The following EXOC4 variants were observed in gnomAD, a reference collection of about 807,000 sequenced individuals.
The protein encoded by EXOC4 is SEC8-like 1.
In EXOC4, 71 loss-of-function variants were observed where a neutral mutation model predicts 107.2. That is an observed-to-expected ratio of 0.66 (90% CI 0.55 to 0.81). The LOEUF is 0.81. Among genes scored for constraint, EXOC4 ranks in the 30% least tolerant of loss-of-function variants. The pLI, the probability that EXOC4 is intolerant of heterozygous loss-of-function variation, is 0.00. For synonymous variants in EXOC4, 456 were observed against 441.2 expected (o/e 1.03, Z -0.42); for missense variants, 1,108 against 1,189.6 (o/e 0.93, Z 1.01).
At chr7:133,397,412 G>A (rs1245879339) in intron 7 of EXOC4, among the ~76,000 whole-genome samples, 1 of 151,954 alleles carries the variant, frequency 6.6e-6, no homozygotes, top group East Asian at 1.9e-4. Flanking sequence ...GGGATTACAG[G>A]TGTGAGCCAC....
intron 10 of EXOC4, among the ~76,000 whole-genome samples, chr7:133,692,323 A>G (rs151238547): frequency 6.0e-4 from 92 of 152,332 alleles, no homozygotes; most frequent in African/African-American, 2.1e-3. Context: ...AGTTTTTACT[A>G]AAGTCTTTTC....
At chr7:133,471,181 G>T (rs1798867706) in intron 7 of EXOC4, among the ~76,000 whole-genome samples, 1 of 152,120 alleles carries the variant, frequency 6.6e-6, no homozygotes, top group Non-Finnish European at 1.5e-5. Context: ...GGAGGCTGAG[G>T]CAGGCAGATA....
intron 7 of EXOC4, among the ~76,000 whole-genome samples, chr7:133,438,515 C>T (rs555302880): frequency 6.6e-6 from 1 of 152,218 alleles, no homozygotes; most frequent in East Asian, 1.9e-4. Flanking sequence ...ACTCTGGTTT[C>T]AAGCTTTAAT....
At chr7:133,905,133 T>C (rs1264222434) in intron 12 of EXOC4, among the ~76,000 whole-genome samples, 2 of 152,192 alleles carry the variant, frequency 1.3e-5, no homozygotes, top group African/African-American at 2.4e-5. Context: ...TCAGCAGATA[T>C]CCTTCAGAGA....
At chr7:133,287,476 A>G (rs939426276) in intron 2 of EXOC4, among the ~76,000 whole-genome samples, 8 of 151,918 alleles carry the variant, frequency 5.3e-5, no homozygotes, top group Non-Finnish European at 7.4e-5. Flanking sequence ...ATGCCCAGCT[A>G]ATTTTCTGTG....
intron 10 of EXOC4, among the ~76,000 whole-genome samples, chr7:133,657,430 G>A (rs555162357): frequency 1.5e-4 from 23 of 152,104 alleles, no homozygotes; most frequent in Admixed American, 1.2e-3. Context: ...TACTGATGTT[G>A]GTATTTTACT....
At chr7:134,072,790 T>C in the EXOC4 span, among the ~76,000 whole-genome samples, 17 of 152,310 alleles carry the variant, frequency 1.1e-4, no homozygotes, top group Middle Eastern at 3.4e-3. Flanking sequence ...ATTAGTATTA[T>C]ATATACATAA....
intron 17 of EXOC4, among the ~76,000 whole-genome samples, chr7:134,058,421 A>G (rs1795979718): frequency 6.6e-6 from 1 of 152,218 alleles, no homozygotes; most frequent in Non-Finnish European, 1.5e-5. Flanking sequence ...TTTTGGAAAG[A>G]AAGGTTACTT....
intron 10 of EXOC4, among the ~76,000 whole-genome samples, chr7:133,641,033 T>A (rs768677127): frequency 4.6e-5 from 7 of 152,058 alleles, no homozygotes; most frequent in Non-Finnish European, 7.4e-5. Context: ...AAGCCAACAT[T>A]AATATGTAGG....
intron 9 of EXOC4, among the ~76,000 whole-genome samples, chr7:133,482,003 A>G (rs1196451070): frequency 6.6e-6 from 1 of 152,152 alleles, no homozygotes; most frequent in Non-Finnish European, 1.5e-5. Flanking sequence ...AGGCTAGTGT[A>G]TCTTCCACAC....
chr7:133,563,489 G>A (rs916505610), intron 9 of EXOC4, among the ~76,000 whole-genome samples: 2 of 152,098 alleles, frequency 1.3e-5, no homozygotes, highest in African/African-American at 4.8e-5. Flanking sequence ...GCATTTGCTT[G>A]TGTCGAAAAA....
intron 7 of EXOC4, among the ~76,000 whole-genome samples, chr7:133,423,771 C>T (rs1038058528): frequency 3.9e-5 from 6 of 151,972 alleles, no homozygotes; most frequent in African/African-American, 9.7e-5. Context: ...TAGGGGCCAG[C>T]GCTGCGCGCA....
intron 10 of EXOC4, among the ~76,000 whole-genome samples, chr7:133,756,243 A>C (rs2151145088): frequency 6.6e-6 from 1 of 152,298 alleles, no homozygotes; most frequent in African/African-American, 2.4e-5. Flanking sequence ...ATGACACTTA[A>C]CTGCTTTTTT....
In EXOC4 at chr7:133,356,379, A is replaced by G. The variant is rs1382444979; in HGVS notation, c.813A>G (p.Pro271=). 1 of 1,614,124 alleles carries G rather than the reference A, an allele frequency of 6.2e-7. No homozygotes were observed. Among genetic ancestry groups the G allele is most frequent in the Non-Finnish European group, 8.5e-7 (1 of 1,179,978 alleles). ...QDIKEDLELD[P]EENSTLFMGI... ...TCAAGGAAGATTTAGAATTGGATCC[A>G]GAGGAAAACAGCACCCTGTTTATGG... The change falls in exon 6 of 18, where the codon CCA becomes CCG. Residue 271 remains proline (P), a synonymous_variant. Transcript: ENST00000253861.
At chr7:133,295,007 A>C (rs1367610641) in intron 3 of EXOC4, among the ~76,000 whole-genome samples, 1 of 152,174 alleles carries the variant, frequency 6.6e-6, no homozygotes, top group Non-Finnish European at 1.5e-5. Context: ...TAAGTGAGAT[A>C]TTAAACTGTG....
intron 9 of EXOC4, among the ~76,000 whole-genome samples, chr7:133,502,136 A>C (rs1176214266): frequency 6.6e-6 from 1 of 152,118 alleles, no homozygotes; most frequent in Admixed American, 6.6e-5. Context: ...CTTGACAGCA[A>C]AGTGGGAGTG....
chr7:133,280,702 G>C (rs1041304174), intron 2 of EXOC4, among the ~76,000 whole-genome samples: 1 of 152,106 alleles, frequency 6.6e-6, no homozygotes, highest in African/African-American at 2.4e-5. Context: ...ATTGAGTAAT[G>C]AAACATTCAT....
chr7:133,540,216 C>T (rs1234831838), intron 9 of EXOC4, among the ~76,000 whole-genome samples: 1 of 152,178 alleles, frequency 6.6e-6, no homozygotes, highest in African/African-American at 2.4e-5. Context: ...TGCAATTTTA[C>T]TCCTGATGGC....
chr7:133,368,790 A>G (rs538422102), intron 6 of EXOC4, among the ~76,000 whole-genome samples: 95 of 152,234 alleles, frequency 6.2e-4, no homozygotes, highest in Admixed American at 6.0e-3. Context: ...CTTGTGAGAG[A>G]GGGGTATGTG....
Sources: gnomAD v4.1 joint callset for allele counts (sites outside exome capture counted in the v4.1 genomes callset) on GRCh38, gnomAD v4.1.1 for gene constraint, MANE v1.5 for transcripts, NCBI Gene and HGNC (gene_info 2026-07-23, HGNC 2026-07-21) for gene names.